Variants in DCC observed in about 807,000 individuals in gnomAD.
DCC encodes DCC netrin 1 receptor.
Under a neutral mutation model 172.5 loss-of-function variants are expected in DCC, and 58 were observed. The ratio of observed to expected loss-of-function variants is 0.34; its 90% CI spans 0.27 to 0.42. DCC has a LOEUF of 0.42. DCC is among the 10% of genes least tolerant of loss of function. DCC has a pLI of 1.00. For synonymous variants in DCC, 709 were observed against 644.5 expected, an observed-to-expected ratio of 1.10 and a Z score of -1.52; for missense variants, 1,740 against 1,791.0, an observed-to-expected ratio of 0.97 and a Z score of 0.51.
chr18:52,523,528 A>G (rs1471997306), intron 1 of DCC, among the ~76,000 whole-genome samples: 1 of 152,226 alleles, frequency 6.6e-6, no homozygotes, highest in African/African-American at 2.4e-5. Flanking sequence ...AACATAAAAA[A>G]GCATCCATTA....
Position 52,483,394 on chromosome 18 carries a change from A to G in DCC, c.91+142516A>G, listed in dbSNP as rs1031571603. ...CAGAGAAAGTAGAACACTTTCTCCA[A>G]TAGTTGGAGAAAAATTTACCTTGCA... On this transcript the variant is annotated intron_variant, in intron 1 of 28. Coordinates refer to ENST00000442544, the MANE Select transcript of DCC (RefSeq NM_005215.4). Among the ~76,000 whole-genome samples the G allele has an allele frequency of 2.6e-5, 4 of 152,090 alleles. No individual in the cohort carries two copies. In the East Asian group the frequency reaches 5.8e-4, roughly 22 times the overall value.
At position 52,788,499 on chromosome 18, in the gene DCC, C is replaced by T. The variant is rs534558527; in HGVS notation, c.412+36125C>T. On this transcript the variant is annotated intron_variant, in intron 2 of 28. Transcript: ENST00000442544. Reference sequence around the variant, plus strand: ...TGGTATGATTAAGACCACCTTTTTGCATTTTGACGACACTTGCATTTTGCC... The same window carrying T: ...TGGTATGATTAAGACCACCTTTTTGTATTTTGACGACACTTGCATTTTGCC... Among the ~76,000 whole-genome samples, 339 of 152,216 alleles carry T rather than the reference C, an allele frequency of 2.2e-3. 2 individuals carry two copies. Among genetic ancestry groups the T allele is most frequent in the Non-Finnish European group, 3.6e-3 (242 of 67,988 alleles).
chr18:53,243,597 T>G (rs1469069966), intron 12 of DCC, among the ~76,000 whole-genome samples: 1 of 152,116 alleles, frequency 6.6e-6, no homozygotes, highest in African/African-American at 2.4e-5. Flanking sequence ...CAGAGTGCTC[T>G]CTGGGAAGAA....
intron 1 of DCC, among the ~76,000 whole-genome samples, chr18:52,424,174 T>C (rs1277279843): frequency 6.6e-6 from 1 of 152,194 alleles, no homozygotes; most frequent in African/African-American, 2.4e-5. Flanking sequence ...GCTTTAAAAC[T>C]GAATATTATA....
At chr18:52,415,671 A>G (rs1485540088) in intron 1 of DCC, among the ~76,000 whole-genome samples, 1 of 151,850 alleles carries the variant, frequency 6.6e-6, no homozygotes, top group Non-Finnish European at 1.5e-5. Context: ...CTGCCATATT[A>G]TAAAAATAGA....
chr18:53,532,445 T>G lies in DCC; in HGVS notation c.*1792T>G, dbSNP rs912722270. The stretch of plus-strand genomic sequence containing the variant: ...CAACAAGAGTGCTCATTCAAGTTAC[T>G]CAGATTTTCTGGAAGTCTTTTCTGA... On this transcript the variant is annotated 3_prime_UTR_variant, in exon 29 of 29. Coordinates refer to ENST00000442544, the MANE Select transcript of DCC (RefSeq NM_005215.4). 6.6e-6 allele frequency: 1 copy of G among 152,210 alleles called. No homozygotes were observed. Among genetic ancestry groups the G allele is most frequent in the African/African-American group, 2.4e-5 (1 of 41,448 alleles). 9.4% of individuals were successfully genotyped at this position (152,210 alleles called of 1,614,324 possible). A position where few individuals can be genotyped will look rare whatever the true frequency, so the allele number is the denominator to read the frequency against.
At chr18:53,406,616 AT>A (rs1224391493) in intron 19 of DCC, among the ~76,000 whole-genome samples, 3 of 151,160 alleles carry the variant, frequency 2.0e-5, no homozygotes, top group African/African-American at 7.3e-5. Context: ...AGGCAGGATA[AT>A]TGCTTGAACC....
chr18:53,171,163 G>T (rs921104932), intron 8 of DCC, among the ~76,000 whole-genome samples: 1 of 152,160 alleles, frequency 6.6e-6, no homozygotes, highest in Non-Finnish European at 1.5e-5. Context: ...GGGATTACAG[G>T]TGTGAGCCAC....
At chr18:53,163,550 T>G (rs949375226) in intron 8 of DCC, among the ~76,000 whole-genome samples, 2 of 152,210 alleles carry the variant, frequency 1.3e-5, no homozygotes, top group African/African-American at 4.8e-5. Flanking sequence ...GCAATAACTT[T>G]GTCAGGAAAG....
intron 2 of DCC, among the ~76,000 whole-genome samples, chr18:52,820,111 C>T (rs16955575): frequency 0.043 from 6,502 of 152,198 alleles, 271 homozygotes; most frequent in Admixed American, 0.13. Flanking sequence ...GTTTCATTCA[C>T]CCCACTTGAC....
intron 7 of DCC, among the ~76,000 whole-genome samples, chr18:53,144,194 C>T (rs2043871946): frequency 6.6e-6 from 1 of 152,068 alleles, no homozygotes; most frequent in African/African-American, 2.4e-5. Context: ...TTCATATTTC[C>T]ATCTCCCTAT....
intron 27 of DCC, among the ~76,000 whole-genome samples, chr18:53,514,086 A>T (rs1394828379): frequency 6.6e-6 from 1 of 152,230 alleles, no homozygotes; most frequent in Admixed American, 6.5e-5. Flanking sequence ...AATGTAAAAG[A>T]ACAGAGATTA....
At chr18:53,365,182 T>G (rs1292986042) in intron 15 of DCC, among the ~76,000 whole-genome samples, 1 of 151,916 alleles carries the variant, frequency 6.6e-6, no homozygotes, top group Non-Finnish European at 1.5e-5. Context: ...GATGTTTGGT[T>G]TTTTGTCCTT....
At chr18:53,427,369 C>T (rs1402667500) in intron 21 of DCC, among the ~76,000 whole-genome samples, 1 of 152,084 alleles carries the variant, frequency 6.6e-6, no homozygotes, top group Non-Finnish European at 1.5e-5. Context: ...CACCATCTAC[C>T]ACCATACTAC....
chr18:53,117,639 C>G (rs115907966), intron 7 of DCC, among the ~76,000 whole-genome samples: 1 of 151,524 alleles, frequency 6.6e-6, no homozygotes, highest in African/African-American at 2.4e-5. Context: ...CAGATTTAAC[C>G]GCTTTTTCAA....
At chr18:52,395,036 A>AC (rs1248694422) in intron 1 of DCC, among the ~76,000 whole-genome samples, 1 of 152,028 alleles carries the variant, frequency 6.6e-6, no homozygotes. Context: ...AGAGGGGAAA[A>AC]ACAGTACCCT....
At chr18:52,628,270 A>G (rs1339864113) in intron 1 of DCC, among the ~76,000 whole-genome samples, 1 of 152,200 alleles carries the variant, frequency 6.6e-6, no homozygotes, top group African/African-American at 2.4e-5. Flanking sequence ...ACTTGGAAAC[A>G]TTCTGTTATG....
chr18:52,831,750 A>G (rs2145296285), intron 2 of DCC, among the ~76,000 whole-genome samples: 1 of 152,262 alleles, frequency 6.6e-6, no homozygotes, highest in East Asian at 1.9e-4. Context: ...ATTTAAGTGA[A>G]GATGTTGCCT....
chr18:52,771,521 G>C (rs1490740987), intron 2 of DCC, among the ~76,000 whole-genome samples: 1 of 152,088 alleles, frequency 6.6e-6, no homozygotes, highest in Non-Finnish European at 1.5e-5. Context: ...CCTCTACATA[G>C]AAACACTAGT....
Sources: gnomAD v4.1 joint callset for allele counts (sites outside exome capture counted in the v4.1 genomes callset) on GRCh38, gnomAD v4.1.1 for gene constraint, MANE v1.5 for transcripts, NCBI Gene and HGNC (gene_info 2026-07-23, HGNC 2026-07-21) for gene names.